SGCZ: variants seen among roughly 807,000 people sequenced by gnomAD.
SGCZ encodes sarcoglycan zeta.
In SGCZ, 40 loss-of-function variants were observed where a neutral mutation model predicts 41.3. The ratio of observed to expected loss-of-function variants is 0.97; its 90% CI spans 0.75 to 1.26. The LOEUF is 1.26. SGCZ is among the 50% of genes most tolerant of loss of function. SGCZ has a pLI of 0.00. For synonymous variants in SGCZ, 206 were observed against 137.5 expected (o/e 1.50, Z -3.49); for missense variants, 552 against 369.8 (o/e 1.49, Z -4.04).
At chr8:14,750,111 A>G (rs1330426246) in intron 1 of SGCZ, among the ~76,000 whole-genome samples, 2 of 152,168 alleles carry the variant, frequency 1.3e-5, no homozygotes, top group East Asian at 1.9e-4. Context: ...CCAAGTGTCT[A>G]TTTTAGTAAG....
intron 1 of SGCZ, among the ~76,000 whole-genome samples, chr8:14,994,717 A>C (rs2130901081): frequency 6.6e-6 from 1 of 152,256 alleles, no homozygotes; most frequent in African/African-American, 2.4e-5. Flanking sequence ...TGGTCTACTC[A>C]TCTGACTCAA....
rs924562818 is a variant in SGCZ at position 14,999,470 on chromosome 8, A to T, written c.39+238115T>A. 5.9e-5 allele frequency among the ~76,000 whole-genome samples: 9 copies of T among 152,206 alleles called. No individual in the cohort carries two copies. In the East Asian group the frequency reaches 1.7e-3, roughly 29 times the overall value. On this transcript the variant is annotated intron_variant, in intron 1 of 7. Transcript: ENST00000382080. ...GGAGGAAAAAGTTCTCCAATAAAAA[A>T]GTAACATTTGCTAAATCAAGGATAA...
intron 1 of SGCZ, among the ~76,000 whole-genome samples, chr8:14,936,272 T>A (rs1440076892): frequency 1.3e-5 from 2 of 151,966 alleles, no homozygotes; most frequent in African/African-American, 4.8e-5. Flanking sequence ...AAACCCATCA[T>A]AATTTGAAAA....
rs986519059 is a variant in SGCZ at position 14,929,349 on chromosome 8, G to A, written c.39+308236C>T. 2.6e-5 allele frequency among the ~76,000 whole-genome samples: 4 copies of A among 152,244 alleles called. No individual in the cohort carries two copies. In the South Asian group the frequency reaches 8.3e-4, roughly 32 times the overall value. On this transcript the variant is annotated intron_variant, in intron 1 of 7. Transcript: ENST00000382080. ...GACACTCTGTGCTGCTATATAAAGT[G>A]AGAGGCATATGCTTTAGATATGAGA...
intron 1 of SGCZ, among the ~76,000 whole-genome samples, chr8:14,686,580 G>A (rs1162665044): frequency 6.6e-6 from 1 of 152,026 alleles, no homozygotes; most frequent in East Asian, 1.9e-4. Context: ...CAGGAAGACG[G>A]CCAGGTTTTC....
chr8:14,522,653 T>C (rs561821782), intron 2 of SGCZ, among the ~76,000 whole-genome samples: 62 of 149,990 alleles, frequency 4.1e-4, no homozygotes, highest in African/African-American at 6.3e-4. Flanking sequence ...AATTTTGTCA[T>C]TTTTTTTAAA....
chr8:14,668,280 T>C (rs1030000222), intron 1 of SGCZ, among the ~76,000 whole-genome samples: 1 of 152,194 alleles, frequency 6.6e-6, no homozygotes, highest in Non-Finnish European at 1.5e-5. Context: ...TTTAAATGAA[T>C]TCAGTCCAAG....
At chr8:14,688,232 C>T (rs1808681404) in intron 1 of SGCZ, among the ~76,000 whole-genome samples, 1 of 152,146 alleles carries the variant, frequency 6.6e-6, no homozygotes, top group Admixed American at 6.6e-5. Flanking sequence ...GCTTTTGTTG[C>T]CATTGCTTTT....
chr8:14,673,976 T>C (rs905445275), intron 1 of SGCZ, among the ~76,000 whole-genome samples: 5 of 152,202 alleles, frequency 3.3e-5, no homozygotes, highest in African/African-American at 7.2e-5. Context: ...ATCTTTGTTA[T>C]TGAATGTGTC....
intron 2 of SGCZ, among the ~76,000 whole-genome samples, chr8:14,521,744 C>T (rs1040892528): frequency 6.6e-6 from 1 of 152,086 alleles, no homozygotes; most frequent in Non-Finnish European, 1.5e-5. Context: ...TTTAGAACGG[C>T]TGTTCCATTT....
chr8:14,538,736 G>C (rs1803370679), intron 2 of SGCZ, among the ~76,000 whole-genome samples: 1 of 151,926 alleles, frequency 6.6e-6, no homozygotes, highest in African/African-American at 2.4e-5. Context: ...AGGCAGAAGA[G>C]TTAGGCATGA....
At chr8:14,189,121 C>A (rs1041574795) in intron 4 of SGCZ, among the ~76,000 whole-genome samples, 2 of 151,590 alleles carry the variant, frequency 1.3e-5, no homozygotes, top group African/African-American at 4.9e-5. Flanking sequence ...AGCCTCCCAA[C>A]GTGCTGGGAT....
intron 1 of SGCZ, among the ~76,000 whole-genome samples, chr8:14,909,170 A>G (rs1351413): frequency 0.33 from 50,142 of 152,008 alleles, 10,949 homozygotes; most frequent in African/African-American, 0.62. Context: ...CACTCCTTAT[A>G]TCAATTACTA....
intron 1 of SGCZ, among the ~76,000 whole-genome samples, chr8:15,032,674 T>C (rs1402326345): frequency 2.6e-5 from 4 of 152,180 alleles, no homozygotes; most frequent in Admixed American, 2.6e-4. Context: ...ACCTACCCCA[T>C]TGCCAGGTCA....
At chr8:15,092,476 C>G (rs928117479) in intron 1 of SGCZ, among the ~76,000 whole-genome samples, 1 of 152,006 alleles carries the variant, frequency 6.6e-6, no homozygotes, top group African/African-American at 2.4e-5. Context: ...AGCTAGCTAG[C>G]CTGAGTATTA....
chr8:15,222,771 C>CTG (rs1437657086), intron 1 of SGCZ, among the ~76,000 whole-genome samples: 1 of 150,892 alleles, frequency 6.6e-6, no homozygotes, highest in Non-Finnish European at 1.5e-5. Context: ...GTGTGTGTGT[C>CTG]TGTGTGTGTG....
intron 1 of SGCZ, among the ~76,000 whole-genome samples, chr8:15,024,738 T>A (rs1374561745): frequency 6.6e-6 from 1 of 151,840 alleles, no homozygotes; most frequent in African/African-American, 2.4e-5. Context: ...AGATCGAGAC[T>A]GTCCTGGCTA....
intron 1 of SGCZ, among the ~76,000 whole-genome samples, chr8:14,803,772 G>A (rs1478388709): frequency 1.3e-5 from 2 of 150,118 alleles, no homozygotes; most frequent in African/African-American, 4.9e-5. Context: ...CACCTCTGGG[G>A]GCAGGGCACA....
intron 1 of SGCZ, among the ~76,000 whole-genome samples, chr8:14,737,541 T>G (rs370629564): frequency 1.2e-3 from 182 of 152,154 alleles, no homozygotes; most frequent in African/African-American, 4.3e-3. Context: ...TGGCACTGAG[T>G]GTGTGGCTTA....
Sources: gnomAD v4.1 joint callset for allele counts (sites outside exome capture counted in the v4.1 genomes callset) on GRCh38, gnomAD v4.1.1 for gene constraint, MANE v1.5 for transcripts, NCBI Gene and HGNC (gene_info 2026-07-23, HGNC 2026-07-21) for gene names.